Variants in LRFN5 observed in about 807,000 individuals in gnomAD.
LRFN5 encodes the protein leucine rich repeat and fibronectin type III domain containing 5, also known as leucine-rich repeat and fibronectin type-III domain-containing protein 5.
A neutral mutation model predicts 45.6 loss-of-function variants in LRFN5; 24 were observed. The observed-to-expected ratio is 0.53, with a 90% CI of 0.38 to 0.74. The LOEUF (loss-of-function observed/expected upper bound fraction) is 0.74. LRFN5 is among the 30% of genes least tolerant of loss of function. LRFN5 has a pLI of 0.00. For synonymous variants in LRFN5, 340 were observed against 313.8 expected (o/e 1.08, Z -0.88); for missense variants, 776 against 861.5 (o/e 0.90, Z 1.24).
intron 1 of LRFN5, among the ~76,000 whole-genome samples, chr14:41,630,142 C>G (rs1229929654): frequency 1.3e-5 from 2 of 152,086 alleles, no homozygotes; most frequent in Non-Finnish European, 2.9e-5. Context: ...CAGAGGTTTT[C>G]TCTGACCCTG....
chr14:41,657,641 G>C (rs917018434), intron 1 of LRFN5, among the ~76,000 whole-genome samples: 5 of 151,956 alleles, frequency 3.3e-5, no homozygotes, highest in African/African-American at 9.7e-5. Context: ...GCCATTTAAA[G>C]TATTTAAGGA....
chr14:41,726,281 T>C (rs954084191), intron 1 of LRFN5, among the ~76,000 whole-genome samples: 26 of 152,138 alleles, frequency 1.7e-4, no homozygotes, highest in Non-Finnish European at 3.1e-4. Flanking sequence ...CTTTCATCAT[T>C]GCTTGCCTTT....
At chr14:41,889,286 A>G (rs1261633333) in intron 3 of LRFN5, among the ~76,000 whole-genome samples, 1 of 151,968 alleles carries the variant, frequency 6.6e-6, no homozygotes, top group Non-Finnish European at 1.5e-5. Context: ...CTATCTAGTC[A>G]TGTGATCAGC....
At chr14:41,782,771 G>A (rs1019159549) in intron 2 of LRFN5, among the ~76,000 whole-genome samples, 4 of 151,996 alleles carry the variant, frequency 2.6e-5, no homozygotes, top group Non-Finnish European at 5.9e-5. Flanking sequence ...TCACTGTTGG[G>A]CTTCTCCAAG....
intron 1 of LRFN5, among the ~76,000 whole-genome samples, chr14:41,734,649 A>G (rs757510024): frequency 6.6e-6 from 1 of 151,544 alleles, no homozygotes; most frequent in Non-Finnish European, 1.5e-5. Flanking sequence ...GTGAAATTAA[A>G]TTCATTTACA....
chr14:41,649,594 C>T (rs764901256), intron 1 of LRFN5, among the ~76,000 whole-genome samples: 6 of 152,084 alleles, frequency 3.9e-5, no homozygotes, highest in Non-Finnish European at 7.4e-5. Flanking sequence ...AACCCTGCTG[C>T]GTCAGTTTAG....
chr14:41,754,431 C>G (rs1885283419), intron 1 of LRFN5, among the ~76,000 whole-genome samples: 1 of 152,088 alleles, frequency 6.6e-6, no homozygotes, highest in Admixed American at 6.5e-5. Context: ...TAATTATTGC[C>G]TCAATTTCAG....
chr14:41,609,865 T>G (rs1046240273), intron 1 of LRFN5, among the ~76,000 whole-genome samples: 1 of 152,116 alleles, frequency 6.6e-6, no homozygotes, highest in African/African-American at 2.4e-5. Context: ...CTGCCTGATT[T>G]TCCCCCACTC....
intron 1 of LRFN5, among the ~76,000 whole-genome samples, chr14:41,742,457 T>C (rs1884742018): frequency 6.6e-6 from 1 of 152,122 alleles, no homozygotes; most frequent in Non-Finnish European, 1.5e-5. Context: ...AGACAAATAG[T>C]TTATGATCTA....
At chr14:41,658,605 A>G (rs1446946127) in intron 1 of LRFN5, among the ~76,000 whole-genome samples, 1 of 151,964 alleles carries the variant, frequency 6.6e-6, no homozygotes, top group African/African-American at 2.4e-5. Context: ...TAGAAGTTTT[A>G]CCCATATAGC....
chr14:41,838,958 A>G (rs1888761273), intron 2 of LRFN5, among the ~76,000 whole-genome samples: 2 of 152,084 alleles, frequency 1.3e-5, no homozygotes, highest in Admixed American at 6.6e-5. Flanking sequence ...TTTCTCCCTT[A>G]TGGAGACAGG....
rs1021974807 is a variant in LRFN5 at position 41,821,797 on chromosome 14, T to TG, written c.-21+54774dup. 2.3e-5 allele frequency among the ~76,000 whole-genome samples: 3 copies of TG among 129,170 alleles called. No individual in the cohort carries two copies. The East Asian group carries it at 7.3e-4, about 32-fold the overall frequency. 84.7% of individuals were successfully genotyped at this position (129,170 alleles called of 152,430 possible). A position where few individuals can be genotyped will look rare whatever the true frequency, so the allele number is the denominator to read the frequency against. ...GAGGGATTTTTTTTTTTAATTGGGGTGGGGGGAGATTTGTTTTTTAATTAC... is the reference window on the plus strand; with the variant it reads ...GAGGGATTTTTTTTTTTAATTGGGGTGGGGGGGAGATTTGTTTTTTAATTAC... On this transcript the variant is annotated intron_variant, in intron 2 of 5. Transcript: ENST00000298119.
At chr14:41,646,347 T>C (rs776869582) in intron 1 of LRFN5, among the ~76,000 whole-genome samples, 10 of 152,298 alleles carry the variant, frequency 6.6e-5, no homozygotes, top group Non-Finnish European at 1.5e-4. Context: ...AGAAATTTCT[T>C]TCTATTCCTA....
In LRFN5 at chr14:41,757,365, C is replaced by T. The variant is rs188531932; in HGVS notation, c.-196-9489C>T. ...GCCCTGCCCCCAGAGGTGAAGTCTA[C>T]AGAGGCAGGCAGGCCTCCTTGAACT... On this transcript the variant is annotated intron_variant, in intron 1 of 5. Coordinates refer to ENST00000298119, the MANE Select transcript of LRFN5 (RefSeq NM_152447.5). Among the ~76,000 whole-genome samples the T allele has an allele frequency of 8.5e-4, 130 of 152,332 alleles. 1 individual carries two copies. Among genetic ancestry groups the T allele is most frequent in the African/African-American group, 2.4e-3 (101 of 41,590 alleles).
rs1406370146 is a variant in LRFN5, at chr14:41,766,957, T to A, written c.-93T>A. 6.5e-6 allele frequency: 1 copy of A among 152,676 alleles called. No individual in the cohort carries two copies. Among genetic ancestry groups the A allele is most frequent in the Non-Finnish European group, 1.5e-5 (1 of 68,050 alleles). 9.5% of individuals were successfully genotyped at this position (152,676 alleles called of 1,614,324 possible). On this transcript the variant is annotated 5_prime_UTR_variant, in exon 2 of 6. Transcript: ENST00000298119. ...ATCAGCTTTGGAGATGCTTTCACTC[T>A]GTCCGTCTTCTGCAGCAGCCAGGCA...
intron 2 of LRFN5, among the ~76,000 whole-genome samples, chr14:41,851,348 A>T (rs894014628): frequency 2.2e-4 from 33 of 151,174 alleles, no homozygotes; most frequent in Admixed American, 1.9e-3. Context: ...AGCATTTTGA[A>T]TATTATTATT....
At chr14:41,779,785 A>G (rs570344563) in intron 2 of LRFN5, among the ~76,000 whole-genome samples, 3 of 152,054 alleles carry the variant, frequency 2.0e-5, no homozygotes, top group Middle Eastern at 3.4e-3. Context: ...CTTTATGGTC[A>G]TTCAAATGTA....
At chr14:41,794,376 T>C (rs1887043916) in intron 2 of LRFN5, among the ~76,000 whole-genome samples, 1 of 152,124 alleles carries the variant, frequency 6.6e-6, no homozygotes. Context: ...ATTTCTACTG[T>C]ATTTTAAAAA....
intron 1 of LRFN5, among the ~76,000 whole-genome samples, chr14:41,747,422 C>T (rs956352349): frequency 4.6e-5 from 7 of 151,918 alleles, no homozygotes; most frequent in African/African-American, 1.7e-4. Context: ...TTGCCAACAC[C>T]ATTCAGGTGG....
Sources: allele counts gnomAD v4.1 joint callset (sites outside exome capture counted in the v4.1 genomes callset), GRCh38; gene constraint gnomAD v4.1.1; transcripts MANE v1.5; gene names NCBI Gene and HGNC (gene_info 2026-07-23, HGNC 2026-07-21).